The following CDIN1 variants were observed in gnomAD, a reference collection of about 807,000 sequenced individuals.
CDIN1 encodes the protein CDAN1-interacting nuclease 1.
Under a neutral mutation model 45.3 loss-of-function variants are expected in CDIN1, and 33 were observed. That is an observed-to-expected ratio of 0.73 (90% CI 0.55 to 0.97). The LOEUF (loss-of-function observed/expected upper bound fraction) is 0.97, where lower values mean the gene tolerates loss of function less well. Ranked by LOEUF, CDIN1 falls within the 50% of genes least tolerant of loss-of-function variation. The probability of loss-of-function intolerance (pLI) is 0.00; values close to 1 mark genes in which losing one functional copy is unlikely to be tolerated. For missense variants in CDIN1, 303 were observed against 339.4 expected (o/e 0.89, Z 0.84); for synonymous variants, 118 against 124.4 (o/e 0.95, Z 0.34).
chr15:36,676,095 T>C (rs373530463), intron 5 of CDIN1, among the ~76,000 whole-genome samples: 75 of 152,290 alleles, frequency 4.9e-4, no homozygotes, highest in African/African-American at 1.8e-3. Context: ...ATAGAAGCAC[T>C]GTCCCTGGCT....
intron 10 of CDIN1, among the ~76,000 whole-genome samples, chr15:36,775,320 A>T (rs1255629300): frequency 1.3e-5 from 2 of 152,224 alleles, no homozygotes; most frequent in Non-Finnish European, 2.9e-5. Flanking sequence ...ATCATGTTGC[A>T]TTTTAATTTC....
intron 5 of CDIN1, among the ~76,000 whole-genome samples, chr15:36,684,581 A>C (rs2041971983): frequency 6.6e-6 from 1 of 152,156 alleles, no homozygotes; most frequent in South Asian, 2.1e-4. Flanking sequence ...TATCAGAATG[A>C]TGCTGGCCTC....
chr15:36,730,798 T>A (rs1426126621), intron 10 of CDIN1, among the ~76,000 whole-genome samples: 5 of 152,112 alleles, frequency 3.3e-5, no homozygotes, highest in Non-Finnish European at 5.9e-5. Flanking sequence ...GTGCCAAAAA[T>A]ATATATTTTA....
intron 10 of CDIN1, among the ~76,000 whole-genome samples, chr15:36,801,652 A>T (rs948946728): frequency 6.6e-6 from 1 of 152,030 alleles, no homozygotes; most frequent in Non-Finnish European, 1.5e-5. Context: ...CTCTTCCCTC[A>T]TGTTTAGATT....
intron 10 of CDIN1, among the ~76,000 whole-genome samples, chr15:36,731,997 AG>A (rs2043848927): frequency 6.6e-6 from 1 of 152,202 alleles, no homozygotes; most frequent in African/African-American, 2.4e-5. Context: ...GTTACGTCAC[AG>A]TAGTATTGTA....
chr15:36,638,516 A>G (rs1027639942), intron 1 of CDIN1, among the ~76,000 whole-genome samples: 6 of 152,222 alleles, frequency 3.9e-5, no homozygotes, highest in Non-Finnish European at 5.9e-5. Flanking sequence ...TGAGCAGAAG[A>G]CATATGCAAT....
At chr15:36,587,372 T>C (rs1370469747) in intron 1 of CDIN1, among the ~76,000 whole-genome samples, 2 of 123,820 alleles carry the variant, frequency 1.6e-5, no homozygotes, top group East Asian at 2.6e-4. Context: ...TAAACCAATG[T>C]ACTTAGTCAT....
chr15:36,802,253 A>C (rs1022190030), intron 10 of CDIN1, among the ~76,000 whole-genome samples: 1 of 152,184 alleles, frequency 6.6e-6, no homozygotes, highest in Non-Finnish European at 1.5e-5. Context: ...TAGTCTGTAC[A>C]TGTAAAAGTT....
Position 36,692,122 on chromosome 15 carries a change from G to T in CDIN1, c.427-4G>T. The T allele has an allele frequency of 6.2e-7, 1 of 1,613,578 alleles. No homozygotes were observed. The highest frequency in any genetic ancestry group is 8.5e-7 in the Non-Finnish European group (1 of 1,179,740). On this transcript the variant is annotated splice_region_variant and splice_polypyrimidine_tract_variant and intron_variant, in intron 6 of 10. Coordinates refer to ENST00000566621, the MANE Select transcript of CDIN1 (RefSeq NM_001321759.2). ...CCCAGACCCCTTTTCTTATTTGTCT[G>T]CAGTGCATTGTGAACGACTGCTGTT...
intron 3 of CDIN1, among the ~76,000 whole-genome samples, chr15:36,653,312 A>G (rs1322082618): frequency 6.6e-6 from 1 of 152,150 alleles, no homozygotes. Context: ...CAGTGACTAG[A>G]GATGAGGCTG....
At position 36,579,840 on chromosome 15, in the gene CDIN1, C is replaced by T. The variant is rs1372286560; in HGVS notation, c.-21C>T. ...GGGTGTTTTTTCCTTGTTCCCGCCA[C>T]CTCCTGGTCCCTGGCCCAACATGAT... On this transcript the variant is annotated 5_prime_UTR_variant, in exon 1 of 11. Transcript: ENST00000566621. 8.7e-6 allele frequency: 14 copies of T among 1,603,578 alleles called. No individual in the cohort carries two copies. The Middle Eastern group carries it at 5.0e-4, about 57-fold the overall frequency.
At chr15:36,707,864 T>C (rs1360008468) in intron 8 of CDIN1, 1 of 152,174 alleles carries the variant, frequency 6.6e-6, no homozygotes, top group East Asian at 1.9e-4. Context: ...CCAAATTCTC[T>C]TGTTTTTAAA....
chr15:36,733,114 T>C (rs2043891294), intron 10 of CDIN1, among the ~76,000 whole-genome samples: 1 of 152,072 alleles, frequency 6.6e-6, no homozygotes, highest in Admixed American at 6.6e-5. Flanking sequence ...CAGCCTTATG[T>C]TTCTGGCAAA....
intron 1 of CDIN1, chr15:36,614,051 T>A (rs1194309793): frequency 9.3e-5 from 103 of 1,107,642 alleles, no homozygotes; most frequent in Non-Finnish European, 1.3e-4. Context: ...ATTCTACTGA[T>A]AAACTCAAGG....
chr15:36,703,090 C>T (rs532231680), intron 8 of CDIN1, among the ~76,000 whole-genome samples: 10 of 149,734 alleles, frequency 6.7e-5, no homozygotes, highest in Admixed American at 1.3e-4. Flanking sequence ...TGGTGGTGCA[C>T]GCCTGTTGTC....
chr15:36,597,549 C>A (rs1301429261), intron 1 of CDIN1, among the ~76,000 whole-genome samples: 1 of 152,174 alleles, frequency 6.6e-6, no homozygotes, highest in Admixed American at 6.5e-5. Flanking sequence ...TTAAACTGAG[C>A]AAGATTATTT....
intron 1 of CDIN1, among the ~76,000 whole-genome samples, chr15:36,631,959 T>C (rs2039697592): frequency 6.6e-6 from 1 of 152,030 alleles, no homozygotes; most frequent in South Asian, 2.1e-4. Flanking sequence ...GCCTCCCAAT[T>C]AGCTGGGACT....
chr15:36,631,574 A>G (rs928092274), intron 1 of CDIN1, among the ~76,000 whole-genome samples: 1 of 152,202 alleles, frequency 6.6e-6, no homozygotes, highest in African/African-American at 2.4e-5. Flanking sequence ...GTCATAGCAT[A>G]TATCAGTACT....
In CDIN1 at chr15:36,714,651, C is replaced by T. The variant is rs952548648; in HGVS notation, c.716+4690C>T. ...AGAGGTGGTCCCACTGCACAGCCTG[C>T]CTTCCTTTTCTTCCCACCCTCAGCT... On this transcript the variant is annotated intron_variant, in intron 10 of 10. Coordinates refer to ENST00000566621, the MANE Select transcript of CDIN1 (RefSeq NM_001321759.2). Among the ~76,000 whole-genome samples, 6 of 152,248 alleles carry T rather than the reference C, an allele frequency of 3.9e-5. No individual in the cohort carries two copies. In the East Asian group the frequency reaches 7.7e-4, roughly 20 times the overall value.
Sources: gnomAD v4.1 joint callset for allele counts (sites outside exome capture counted in the v4.1 genomes callset) on GRCh38, gnomAD v4.1.1 for gene constraint, MANE v1.5 for transcripts, NCBI Gene and HGNC (gene_info 2026-07-23, HGNC 2026-07-21) for gene names.